The following MAGI2 variants were observed in gnomAD, a reference collection of about 807,000 sequenced individuals.
MAGI2 encodes membrane associated guanylate kinase, WW and PDZ domain containing 2.
In MAGI2, 35 loss-of-function variants were observed where a neutral mutation model predicts 133.3. That is an observed-to-expected ratio of 0.26 (90% confidence interval 0.20 to 0.35). The LOEUF is 0.35. Among genes scored for constraint, MAGI2 ranks in the 10% least tolerant of loss-of-function variants. The probability of loss-of-function intolerance (pLI) is 1.00; values close to 1 mark genes in which losing one functional copy is unlikely to be tolerated. For missense variants in MAGI2, 1,636 were observed against 1,863.4 expected (o/e 0.88, Z 2.25); for synonymous variants, 729 against 710.6 (o/e 1.03, Z -0.41).
intron 10 of MAGI2, among the ~76,000 whole-genome samples, chr7:78,202,832 T>C (rs4730110): frequency 0.55 from 83,241 of 151,998 alleles, 22,981 homozygotes; most frequent in Non-Finnish European, 0.58. Context: ...GTCTTACATA[T>C]GCTGTTCACT....
chr7:78,944,958 G>A (rs1801296894), intron 2 of MAGI2, among the ~76,000 whole-genome samples: 1 of 151,886 alleles, frequency 6.6e-6, no homozygotes, highest in South Asian at 2.1e-4. Context: ...GAGCTGGTCT[G>A]GTACTCCTGG....
In MAGI2 at chr7:79,316,729, T is replaced by C. The variant is rs144168468; in HGVS notation, c.301+136291A>G. Among the ~76,000 whole-genome samples, 60 of 152,272 alleles carry C rather than the reference T, an allele frequency of 3.9e-4. No individual in the cohort carries two copies. In the East Asian group the frequency reaches 0.011, roughly 28 times the overall value. Reference sequence around the variant, plus strand: ...TTTAACAGAATTATGGGTTACACAGTAAGGAAAGAAGGTAACTAACATTTA... The same window carrying C: ...TTTAACAGAATTATGGGTTACACAGCAAGGAAAGAAGGTAACTAACATTTA... On this transcript the variant is annotated intron_variant, in intron 1 of 21. Transcript: ENST00000354212.
intron 1 of MAGI2, among the ~76,000 whole-genome samples, chr7:79,022,195 G>T (rs1809399287): frequency 6.6e-6 from 1 of 152,050 alleles, no homozygotes; most frequent in Non-Finnish European, 1.5e-5. Context: ...CCAAAATGCA[G>T]TAAAAATAGA....
At chr7:79,128,184 TC>T (rs1820601450) in intron 1 of MAGI2, among the ~76,000 whole-genome samples, 1 of 152,018 alleles carries the variant, frequency 6.6e-6, no homozygotes, top group African/African-American at 2.4e-5. Flanking sequence ...CCAATCTCTC[TC>T]CTTTTTTTTT....
At chr7:78,634,525 T>A (rs989739366) in intron 2 of MAGI2, among the ~76,000 whole-genome samples, 1 of 152,166 alleles carries the variant, frequency 6.6e-6, no homozygotes, top group African/African-American at 2.4e-5. Context: ...GAAAGTAGTA[T>A]GATTCTAAAA....
chr7:78,283,158 T>G (rs1158779011), intron 9 of MAGI2, among the ~76,000 whole-genome samples: 1 of 152,126 alleles, frequency 6.6e-6, no homozygotes, highest in Non-Finnish European at 1.5e-5. Context: ...ATAATTTTCC[T>G]AGTACAATGT....
chr7:78,675,663 G>A (rs1273839949), intron 2 of MAGI2, among the ~76,000 whole-genome samples: 3 of 152,092 alleles, frequency 2.0e-5, no homozygotes, highest in African/African-American at 4.8e-5. Flanking sequence ...CTATGTTGCC[G>A]CCACACAGAT....
intron 1 of MAGI2, among the ~76,000 whole-genome samples, chr7:79,138,705 T>TA (rs1821828441): frequency 6.6e-6 from 1 of 151,988 alleles, no homozygotes; most frequent in South Asian, 2.1e-4. Context: ...CTGGTGTAGT[T>TA]ATAAAAAGAG....
rs1287520356 is a variant in MAGI2 at position 78,018,996 on chromosome 7, G to A, written c.*319C>T. On this transcript the variant is annotated 3_prime_UTR_variant, in exon 22 of 22. Transcript: ENST00000354212. The stretch of plus-strand genomic sequence containing the variant: ...ATGACATCCAAGTCCTTCATGCAGT[G>A]GGGAGGAATATTTTTTTTTCTTAAA... 4 of 401,380 alleles carry A rather than the reference G, an allele frequency of 1.0e-5. No homozygotes were observed. Among genetic ancestry groups the A allele is most frequent in the African/African-American group, 6.2e-5 (3 of 48,556 alleles). The allele number at this position is 401,380 out of a possible 1,614,324, so 24.9% of individuals were successfully genotyped here.
intron 1 of MAGI2, among the ~76,000 whole-genome samples, chr7:79,294,177 C>CAAA (rs61385536): frequency 1.5e-5 from 1 of 65,390 alleles, no homozygotes. Context: ...GACTCCGTCT[C>CAAA]AAAAAAAAAA....
At chr7:78,053,659 T>C (rs1812254204) in intron 21 of MAGI2, among the ~76,000 whole-genome samples, 1 of 152,226 alleles carries the variant, frequency 6.6e-6, no homozygotes, top group Admixed American at 6.5e-5. Context: ...GGCTGTCTTT[T>C]CCCATTCTCA....
chr7:78,441,257 G>A (rs576321204), intron 6 of MAGI2, among the ~76,000 whole-genome samples: 3 of 152,252 alleles, frequency 2.0e-5, no homozygotes, highest in African/African-American at 7.2e-5. Context: ...GATATTAGTT[G>A]CATTCTCTAT....
chr7:78,903,501 C>T (rs1043167235), intron 2 of MAGI2, among the ~76,000 whole-genome samples: 2 of 151,968 alleles, frequency 1.3e-5, no homozygotes, highest in African/African-American at 4.8e-5. Context: ...GGCCGAGTTC[C>T]TGAATCTTAA....
At chr7:78,858,285 C>G (rs1203770426) in intron 2 of MAGI2, among the ~76,000 whole-genome samples, 1 of 152,050 alleles carries the variant, frequency 6.6e-6, no homozygotes, top group Non-Finnish European at 1.5e-5. Context: ...TATTTCTTGC[C>G]TTCTGCTAGC....
chr7:78,667,704 T>C (rs1371778685), intron 2 of MAGI2, among the ~76,000 whole-genome samples: 1 of 152,066 alleles, frequency 6.6e-6, no homozygotes, highest in Non-Finnish European at 1.5e-5. Flanking sequence ...TCCATGTCCC[T>C]ACAAAGGACA....
intron 2 of MAGI2, among the ~76,000 whole-genome samples, chr7:78,737,025 A>G (rs1821923670): frequency 6.6e-6 from 1 of 152,220 alleles, no homozygotes; most frequent in Non-Finnish European, 1.5e-5. Context: ...TGACTGACAG[A>G]TAAACTATGG....
At chr7:78,804,761 A>AAAACAAAGAAC (rs758221965) in intron 2 of MAGI2, among the ~76,000 whole-genome samples, 3 of 143,524 alleles carry the variant, frequency 2.1e-5, no homozygotes, top group African/African-American at 7.9e-5. Flanking sequence ...AAAAAAAAAA[A>AAAACAAAGAAC]AAAAAAAAAA....
chr7:79,229,144 A>G (rs1831134202), intron 1 of MAGI2, among the ~76,000 whole-genome samples: 1 of 151,940 alleles, frequency 6.6e-6, no homozygotes, highest in African/African-American at 2.4e-5. Context: ...AGCACAGGAA[A>G]AAAAAAAACA....
chr7:79,118,695 G>A (rs1819617226), intron 1 of MAGI2, among the ~76,000 whole-genome samples: 1 of 151,944 alleles, frequency 6.6e-6, no homozygotes, highest in Non-Finnish European at 1.5e-5. Context: ...GAAATCCAAG[G>A]CCTTTTCTTG....
Sources: allele counts gnomAD v4.1 joint callset (sites outside exome capture counted in the v4.1 genomes callset), GRCh38; gene constraint gnomAD v4.1.1; transcripts MANE v1.5; gene names NCBI Gene and HGNC (gene_info 2026-07-23, HGNC 2026-07-21).